TRAIP: variants seen among roughly 807,000 people sequenced by gnomAD.
TRAIP encodes TRAF interacting protein.
A neutral mutation model predicts 65.0 loss-of-function variants in TRAIP; 37 were observed. The observed-to-expected ratio is 0.57, with a 90% CI of 0.44 to 0.75. The LOEUF (loss-of-function observed/expected upper bound fraction) is 0.75. TRAIP is among the 30% of genes least tolerant of loss of function. TRAIP has a pLI of 0.00. For missense variants in TRAIP, 481 were observed against 579.4 expected, an observed-to-expected ratio of 0.83 and a Z score of 1.74; for synonymous variants, 187 against 219.1, an observed-to-expected ratio of 0.85 and a Z score of 1.29.
At position 49,848,137 on chromosome 3, in the gene TRAIP, T is replaced by C; in HGVS notation, c.156+6A>G. 1 of 1,614,150 alleles carries C rather than the reference T, an allele frequency of 6.2e-7. No individual in the cohort carries two copies. Among genetic ancestry groups the C allele is most frequent in the Non-Finnish European group, 8.5e-7 (1 of 1,180,002 alleles). On this transcript the variant is annotated splice_donor_region_variant and intron_variant, in intron 2 of 14. Coordinates refer to ENST00000331456, the MANE Select transcript of TRAIP (RefSeq NM_005879.3). Reference sequence around the variant, plus strand: ...AGTTGAGGTGGTCCCACCCCAATACTCTCACCTGGATTCGGCACTGTGGGC... The same window carrying C: ...AGTTGAGGTGGTCCCACCCCAATACCCTCACCTGGATTCGGCACTGTGGGC...
Position 49,829,013 on chromosome 3 carries a change from G to A in TRAIP, c.*90C>T. On this transcript the variant is annotated 3_prime_UTR_variant, in exon 15 of 15. Coordinates refer to ENST00000331456, the MANE Select transcript of TRAIP (RefSeq NM_005879.3). The stretch of plus-strand genomic sequence containing the variant: ...CTTACACCTCAGGCTGGTCCCGAAA[G>A]TGGGGCTCTGTCCACAAAACCCCTG... 1 of 1,585,744 alleles carries A rather than the reference G, an allele frequency of 6.3e-7. No homozygotes were observed. Among genetic ancestry groups the A allele is most frequent in the East Asian group, 2.2e-5 (1 of 44,612 alleles).
intron 11 of TRAIP, among the ~76,000 whole-genome samples, chr3:49,831,468 C>T (rs1437089503): frequency 6.6e-6 from 1 of 152,206 alleles, no homozygotes; most frequent in African/African-American, 2.4e-5. Flanking sequence ...CTCATGCTTG[C>T]CCCTGTGGGT....
chr3:49,848,028 A>G (rs1304925543), intron 2 of TRAIP, 115 bp downstream of exon 2: 4 of 1,221,544 alleles, frequency 3.3e-6, no homozygotes, highest in Non-Finnish European at 4.7e-6. Context: ...CTGGCCTTAA[A>G]CCAGGAGGGT....
At chr3:49,830,743 G>A (rs2081724006) in intron 11 of TRAIP, among the ~76,000 whole-genome samples, 1 of 152,240 alleles carries the variant, frequency 6.6e-6, no homozygotes, top group Admixed American at 6.5e-5. Context: ...CCTGGTGGGT[G>A]AGAAGATGGT....
intron 11 of TRAIP, 97 bp downstream of exon 11, chr3:49,831,819 C>A (rs2081735261): frequency 1.5e-6 from 2 of 1,352,204 alleles, no homozygotes; most frequent in African/African-American, 1.5e-5. Context: ...ACCCTCACTG[C>A]CCCATCAGCC....
chr3:49,833,483 CTT>C (rs113973983), intron 10 of TRAIP, among the ~76,000 whole-genome samples: 5 of 143,774 alleles, frequency 3.5e-5, no homozygotes, highest in East Asian at 2.0e-4. Context: ...TAGACTGTTT[CTT>C]TTTTTTTTTT....
intron 8 of TRAIP, chr3:49,840,616 T>C: frequency 3.5e-6 from 2 of 567,762 alleles, no homozygotes; most frequent in Middle Eastern, 4.7e-4. Flanking sequence ...AAAGCAGCTG[T>C]GCTGACCGAA....
intron 5 of TRAIP, among the ~76,000 whole-genome samples, 174 bp from the exon 6 acceptor site, chr3:49,842,721 C>T (rs749209834): frequency 6.6e-6 from 1 of 152,072 alleles, no homozygotes; most frequent in Non-Finnish European, 1.5e-5. Context: ...CTCGCTTGTG[C>T]TTCTTCTTCT....
At chr3:49,841,382 T>C (rs2081837902) in intron 7 of TRAIP, among the ~76,000 whole-genome samples, 1 of 152,192 alleles carries the variant, frequency 6.6e-6, no homozygotes, top group South Asian at 2.1e-4. Flanking sequence ...CCTCTATGCC[T>C]CTCAGCTAAG....
intron 10 of TRAIP, among the ~76,000 whole-genome samples, chr3:49,833,984 T>C (rs1418974546): frequency 2.0e-5 from 3 of 152,072 alleles, no homozygotes; most frequent in Non-Finnish European, 2.9e-5. Context: ...CACCCACCCA[T>C]GGTCAAGTTA....
At chr3:49,849,840 C>CTTTTTTTTTTTT (rs1185587392) in intron 1 of TRAIP, among the ~76,000 whole-genome samples, 6 of 89,856 alleles carry the variant, frequency 6.7e-5, no homozygotes, top group East Asian at 3.5e-4. Flanking sequence ...CTTTTCTTTT[C>CTTTTTTTTTTTT]TTTTTTTTTT....
intron 3 of TRAIP, among the ~76,000 whole-genome samples, chr3:49,845,913 G>A (rs1344822555): frequency 3.3e-5 from 5 of 152,176 alleles, no homozygotes; most frequent in Non-Finnish European, 5.9e-5. Flanking sequence ...AGGACATCAT[G>A]ACACCCTGGG....
At chr3:49,836,134 T>C (rs1345075422) in intron 10 of TRAIP, among the ~76,000 whole-genome samples, 1 of 151,840 alleles carries the variant, frequency 6.6e-6, no homozygotes, top group Non-Finnish European at 1.5e-5. Context: ...GGCTAATTTT[T>C]GTATTTTTAG....
In TRAIP at chr3:49,829,484, C is replaced by G. The variant is rs756563521; in HGVS notation, c.1261G>C (p.Gly421Arg). 4.3e-6 allele frequency: 7 copies of G among 1,614,154 alleles called. No homozygotes were observed. Among genetic ancestry groups the G allele is most frequent in the Non-Finnish European group, 5.9e-6 (7 of 1,180,030 alleles). Residue 421 changes from glycine (G) to arginine (R), a missense_variant, in exon 14 of 15, where the codon GGT becomes CGT. Physicochemically the swap from Gly to Arg is moderately radical, Grantham distance 125. Transcript: ENST00000331456. ...GGCTGGATGAATTTTGTCCGGCCAC[C>G]GAGCCCATCGAAGCCTGTCCTTACC... Reference protein sequence around the residue: ...DVVRTGFDGLGGRTKFIQPTD... With the variant: ...DVVRTGFDGLRGRTKFIQPTD...
At chr3:49,839,305 C>T (rs2081816810) in intron 10 of TRAIP, among the ~76,000 whole-genome samples, 1 of 152,098 alleles carries the variant, frequency 6.6e-6, no homozygotes, top group Non-Finnish European at 1.5e-5. Flanking sequence ...AGGATGCTCT[C>T]AGCTAGTCTG....
intron 10 of TRAIP, among the ~76,000 whole-genome samples, chr3:49,839,297 G>A (rs569127003): frequency 1.3e-5 from 2 of 152,262 alleles, no homozygotes; most frequent in Non-Finnish European, 2.9e-5. Context: ...TAGCCTTGAG[G>A]ATGCTCTCAG....
chr3:49,851,557 T>C (rs1457191675), intron 1 of TRAIP, among the ~76,000 whole-genome samples: 1 of 151,380 alleles, frequency 6.6e-6, no homozygotes, highest in Non-Finnish European at 1.5e-5. Flanking sequence ...CCCAGGTAAT[T>C]TATATTTTTT....
At chr3:49,850,532 C>T (rs2108321242) in intron 1 of TRAIP, among the ~76,000 whole-genome samples, 1 of 149,850 alleles carries the variant, frequency 6.7e-6, no homozygotes, top group Non-Finnish European at 1.5e-5. Context: ...TTCATCTATG[C>T]TCTCAAAGTC....
intron 1 of TRAIP, among the ~76,000 whole-genome samples, chr3:49,853,292 T>C (rs1360741835): frequency 2.6e-5 from 4 of 152,116 alleles, no homozygotes; most frequent in Admixed American, 6.6e-5. Flanking sequence ...CTGACTTCAA[T>C]AGCTACAACG....
Sources: allele counts gnomAD v4.1 joint callset (sites outside exome capture counted in the v4.1 genomes callset), GRCh38; gene constraint gnomAD v4.1.1; transcripts MANE v1.5; gene names NCBI Gene and HGNC (gene_info 2026-07-23, HGNC 2026-07-21).